PRR5L: variants seen among roughly 807,000 people sequenced by gnomAD.
PRR5L encodes proline rich 5 like.
In PRR5L, 21 loss-of-function variants were observed where a neutral mutation model predicts 36.4. That is an observed-to-expected ratio of 0.58 (90% CI 0.41 to 0.83). PRR5L has a LOEUF of 0.83. Among genes scored for constraint, PRR5L ranks in the 40% least tolerant of loss-of-function variants. The pLI is 0.00. For synonymous variants in PRR5L, 188 were observed against 197.0 expected, an observed-to-expected ratio of 0.95 and a Z score of 0.38; for missense variants, 381 against 473.3, an observed-to-expected ratio of 0.80 and a Z score of 1.81.
intron 1 of PRR5L, among the ~76,000 whole-genome samples, chr11:36,347,684 C>T (rs564551462): frequency 6.6e-6 from 1 of 151,832 alleles, no homozygotes; most frequent in South Asian, 2.1e-4. Flanking sequence ...GAACTGTTAC[C>T]CATGCTCCAG....
intron 1 of PRR5L, among the ~76,000 whole-genome samples, chr11:36,326,302 TACACACACACACACACAC>T (rs3083243): frequency 6.8e-6 from 1 of 147,376 alleles, no homozygotes; most frequent in South Asian, 2.2e-4. Flanking sequence ...CCCCAATAGA[TACACACACACACACACAC>T]ACACACACAC....
intron 7 of PRR5L, among the ~76,000 whole-genome samples, chr11:36,447,500 G>C (rs1350301784): frequency 6.6e-6 from 1 of 152,106 alleles, no homozygotes; most frequent in Non-Finnish European, 1.5e-5. Context: ...TTTTGGCTAG[G>C]GACACCCCCA....
rs1407155161 is a variant in PRR5L at position 36,350,944 on chromosome 11, A to ATTTATATATATTTATATATT, written c.-125-50052_-125-50051insTTATATATATTTATATATTT. ...TTTATATATATTTATATATTTATAT[A>ATTTATATATATTTATATATT]TATATATTTATATATATTTATATAT... On this transcript the variant is annotated intron_variant, in intron 1 of 8. Coordinates refer to ENST00000530639, the MANE Select transcript of PRR5L (RefSeq NM_001160167.2). Among the ~76,000 whole-genome samples, 40 of 57,124 alleles carry ATTTATATATATTTATATATT rather than the reference A, an allele frequency of 7.0e-4. 3 individuals carry two copies. The highest frequency in any genetic ancestry group is 3.7e-3 in the African/African-American group (39 of 10,610). 37.5% of individuals were successfully genotyped at this position (57,124 alleles called of 152,430 possible). A position where few individuals can be genotyped will look rare whatever the true frequency, so the allele number is the denominator to read the frequency against.
chr11:36,337,182 C>G (rs1351891818), intron 1 of PRR5L, among the ~76,000 whole-genome samples: 1 of 152,132 alleles, frequency 6.6e-6, no homozygotes, highest in Non-Finnish European at 1.5e-5. Context: ...GTCATCCCCC[C>G]AAAATTAATA....
chr11:36,389,859 C>T (rs113669432), intron 1 of PRR5L, among the ~76,000 whole-genome samples: 3,138 of 152,196 alleles, frequency 0.021, 109 homozygotes, highest in African/African-American at 0.07. Context: ...GTGATCCACC[C>T]GCCTTGGCCT....
intron 1 of PRR5L, among the ~76,000 whole-genome samples, chr11:36,357,173 G>A (rs1469954234): frequency 1.3e-5 from 2 of 152,218 alleles, no homozygotes; most frequent in African/African-American, 2.4e-5. Flanking sequence ...GCATAATTCA[G>A]AGCAAAGCCC....
intron 3 of PRR5L, among the ~76,000 whole-genome samples, chr11:36,411,728 C>T (rs1858031341): frequency 6.6e-6 from 1 of 152,180 alleles, no homozygotes; most frequent in South Asian, 2.1e-4. Flanking sequence ...TTACACGTCC[C>T]GGCAATTCTT....
chr11:36,343,574 G>T (rs763961830), intron 1 of PRR5L, among the ~76,000 whole-genome samples: 10 of 152,156 alleles, frequency 6.6e-5, no homozygotes, highest in Admixed American at 2.0e-4. Flanking sequence ...CATTATTTCT[G>T]CTCACTCTAA....
chr11:36,301,385 G>A (rs185483995), intron 1 of PRR5L, among the ~76,000 whole-genome samples: 7 of 152,326 alleles, frequency 4.6e-5, no homozygotes, highest in Admixed American at 2.0e-4. Flanking sequence ...CTCAGGGAGA[G>A]GGGTGAGGGA....
chr11:36,439,631 A>G (rs967324621), intron 6 of PRR5L, among the ~76,000 whole-genome samples: 1 of 151,990 alleles, frequency 6.6e-6, no homozygotes, highest in Admixed American at 6.6e-5. Context: ...GCATGTCCAT[A>G]TTCAGATTGT....
chr11:36,458,663 T>C (rs953977313), intron 8 of PRR5L, among the ~76,000 whole-genome samples: 16 of 152,224 alleles, frequency 1.1e-4, no homozygotes, highest in African/African-American at 3.9e-4. Context: ...TCCAGGAGCA[T>C]TGGCTCTAGA....
At chr11:36,384,851 T>A (rs1468159664) in intron 1 of PRR5L, among the ~76,000 whole-genome samples, 1 of 151,590 alleles carries the variant, frequency 6.6e-6, no homozygotes, top group Non-Finnish European at 1.5e-5. Flanking sequence ...TTTTTTTTTT[T>A]TTAGAGTTGG....
intron 6 of PRR5L, among the ~76,000 whole-genome samples, chr11:36,444,666 T>C (rs552437532): frequency 6.6e-6 from 1 of 152,230 alleles, no homozygotes; most frequent in Admixed American, 6.5e-5. Context: ...TGTTTCCTTT[T>C]GCTTTGCAGT....
chr11:36,414,523 T>C (rs2133575738), intron 3 of PRR5L, among the ~76,000 whole-genome samples: 1 of 146,700 alleles, frequency 6.8e-6, no homozygotes, highest in East Asian at 2.0e-4. Context: ...TTGAGAAGTG[T>C]CTGTTCATGT....
chr11:36,387,347 C>T lies in PRR5L; in HGVS notation c.-125-13650C>T, dbSNP rs186011710. On this transcript the variant is annotated intron_variant, in intron 1 of 8. Transcript: ENST00000530639. ...TGAGTTAATGGGTGTAGCACACCAA[C>T]ATGGCACATGTATACATATGTAACA... Among the ~76,000 whole-genome samples the T allele has an allele frequency of 2.7e-3, 416 of 152,150 alleles. 2 individuals are homozygous for T. Among genetic ancestry groups the T allele is most frequent in the African/African-American group, 9.9e-3 (409 of 41,476 alleles).
At chr11:36,416,290 G>A (rs1213983001) in intron 3 of PRR5L, among the ~76,000 whole-genome samples, 1 of 152,168 alleles carries the variant, frequency 6.6e-6, no homozygotes, top group Non-Finnish European at 1.5e-5. Flanking sequence ...GATTTGCCCA[G>A]GTAGAGCAAT....
chr11:36,341,803 T>C (rs1385246235), intron 1 of PRR5L, among the ~76,000 whole-genome samples: 1 of 152,196 alleles, frequency 6.6e-6, no homozygotes, highest in Non-Finnish European at 1.5e-5. Context: ...TACCTGGTTT[T>C]CCAGAAGCTG....
chr11:36,371,939 T>C (rs1246611177), intron 1 of PRR5L, among the ~76,000 whole-genome samples: 1 of 152,082 alleles, frequency 6.6e-6, no homozygotes. Context: ...ACGCCTGTAA[T>C]CCCAGCCACT....
intron 8 of PRR5L, among the ~76,000 whole-genome samples, chr11:36,456,725 C>T (rs1859065334): frequency 6.6e-6 from 1 of 152,244 alleles, no homozygotes; most frequent in Non-Finnish European, 1.5e-5. Flanking sequence ...GGAGCACCTC[C>T]TTTTTGGTAC....
Sources: gnomAD v4.1 joint callset for allele counts (sites outside exome capture counted in the v4.1 genomes callset) on GRCh38, gnomAD v4.1.1 for gene constraint, MANE v1.5 for transcripts, NCBI Gene and HGNC (gene_info 2026-07-23, HGNC 2026-07-21) for gene names.